TRNT1: variants seen among roughly 807,000 people sequenced by gnomAD.
The protein encoded by TRNT1 is CCA tRNA nucleotidyltransferase 1, mitochondrial.
TRNT1 carries 44 observed loss-of-function variants against 45.6 expected under a neutral mutation model. The ratio of observed to expected loss-of-function variants is 0.97; its 90% CI spans 0.76 to 1.24. TRNT1 has a LOEUF of 1.24. Among genes scored for constraint, TRNT1 ranks in the 50% most tolerant of loss-of-function variants. The pLI, the probability that TRNT1 is intolerant of heterozygous loss-of-function variation, is 0.00. For synonymous variants in TRNT1, 201 were observed against 171.4 expected (o/e 1.17, Z -1.35); for missense variants, 633 against 504.4 (o/e 1.25, Z -2.44).
intron 4 of TRNT1, among the ~76,000 whole-genome samples, chr3:3,142,712 G>C (rs1177092352): frequency 6.6e-6 from 1 of 152,020 alleles, no homozygotes; most frequent in African/African-American, 2.4e-5. Context: ...ATATTCCTAT[G>C]ATTTTTTCCT....
intron 1 of TRNT1, chr3:3,127,869 T>C (rs1340921297): frequency 2.0e-5 from 3 of 151,520 alleles, no homozygotes; most frequent in African/African-American, 7.3e-5. Flanking sequence ...AAACCGAGGG[T>C]TGGGCTGCTT....
chr3:3,153,348 T>G, downstream of TRNT1: 1 of 892,900 alleles, frequency 1.1e-6, no homozygotes, highest in Non-Finnish European at 1.9e-6. Context: ...GGAGGAAAGT[T>G]TATGGAAAAC....
chr3:3,138,846 C>A (rs1272066841), intron 3 of TRNT1, among the ~76,000 whole-genome samples: 1 of 152,126 alleles, frequency 6.6e-6, no homozygotes, highest in African/African-American at 2.4e-5. Context: ...TTTGTTTCCT[C>A]CGAGTGTTTT....
chr3:3,140,616 G>A lies in TRNT1; in HGVS notation c.449G>A (p.Arg150His), dbSNP rs1012537748. The A allele has an allele frequency of 6.2e-6, 10 of 1,613,968 alleles. No homozygotes were observed. The highest frequency in any genetic ancestry group is 2.2e-5 in the South Asian group (2 of 91,078). The change falls in exon 4 of 8, where the codon CGC becomes CAC. Residue 150 changes from arginine to histidine, a missense_variant. Transcript: ENST00000251607. ...FTTDWQKDAE[R>H]RDLTINSMFL... ...ACTGACTGGCAGAAAGATGCGGAAC[G>A]CAGAGATCTCACTATAAATTCTATG...
downstream of TRNT1, chr3:3,153,387 T>A: frequency 8.9e-7 from 1 of 1,121,768 alleles, no homozygotes; most frequent in Non-Finnish European, 1.4e-6. Context: ...ATAATTCTGA[T>A]AAGGCAAGTA....
chr3:3,133,314 G>T (rs1291256172), intron 2 of TRNT1, among the ~76,000 whole-genome samples: 1 of 152,094 alleles, frequency 6.6e-6, no homozygotes, highest in Non-Finnish European at 1.5e-5. Flanking sequence ...AGCACTTTGG[G>T]AGGCCGAGAT....
chr3:3,150,456 T>TA (rs750438512), downstream of TRNT1: 84 of 188,330 alleles, frequency 4.5e-4, 1 homozygote, highest in South Asian at 2.2e-3. Flanking sequence ...CTGGTACAGA[T>TA]ACGCTGTCCC....
intron 4 of TRNT1, among the ~76,000 whole-genome samples, chr3:3,140,947 T>C (rs1575055656): frequency 2.0e-5 from 3 of 152,158 alleles, no homozygotes; most frequent in Non-Finnish European, 2.9e-5. Context: ...CCGGGCGTGG[T>C]GGCGGCTGCC....
At chr3:3,136,718 G>C (rs369652706) in intron 2 of TRNT1, 2 of 410,560 alleles carry the variant, frequency 4.9e-6, no homozygotes, top group Non-Finnish European at 9.5e-6. Context: ...GCAGTGGCAC[G>C]ATCATAGCTC....
At chr3:3,149,325 A>G (rs544406099), downstream of TRNT1, 4 of 152,168 alleles carry the variant, frequency 2.6e-5, no homozygotes, top group Non-Finnish European at 5.9e-5. Context: ...ACCCAACGTC[A>G]TATAATACAT....
At chr3:3,128,088 G>C (rs962259085) in intron 1 of TRNT1, 1 of 152,228 alleles carries the variant, frequency 6.6e-6, no homozygotes, top group African/African-American at 2.4e-5. Flanking sequence ...TTACCCATAA[G>C]ATCTGAGTCC....
Position 3,147,538 on chromosome 3 carries a change from C to A in TRNT1, c.891C>A (p.Ala297=). The change falls in exon 7 of 8, where the codon GCC becomes GCA. Residue 297 remains alanine (A), a synonymous_variant. Transcript: ENST00000251607. ...CACCAAAGCCAGTGACTCTTTTGGC[C>A]TCATTATTCAAAGTACAAGATGATG... ...GFSPKPVTLL[A]SLFKVQDDVT... is the part of the protein sequence containing the mutation. The A allele has an allele frequency of 1.9e-6, 3 of 1,613,854 alleles. No individual in the cohort carries two copies. Among genetic ancestry groups the A allele is most frequent in the Non-Finnish European group, 2.5e-6 (3 of 1,179,858 alleles).
downstream of TRNT1, chr3:3,152,511 C>T (rs769286805): frequency 3.1e-6 from 5 of 1,613,990 alleles, no homozygotes; most frequent in South Asian, 4.4e-5. Flanking sequence ...AAGTTGCAAG[C>T]CTTATACACA....
chr3:3,152,930 G>A (rs553504633), downstream of TRNT1: 7 of 330,388 alleles, frequency 2.1e-5, no homozygotes, highest in East Asian at 4.9e-4. Flanking sequence ...GTCCTGTGTG[G>A]TCATTTTGGG....
intron 2 of TRNT1, among the ~76,000 whole-genome samples, chr3:3,134,154 A>G (rs1705179586): frequency 6.6e-6 from 1 of 152,156 alleles, no homozygotes; most frequent in Admixed American, 6.5e-5. Context: ...TTTTCACTGA[A>G]TTATTTCATT....
intron 1 of TRNT1, among the ~76,000 whole-genome samples, chr3:3,128,368 G>A (rs143045621): frequency 0.019 from 2,921 of 152,128 alleles, 88 homozygotes; most frequent in African/African-American, 0.066. Context: ...AGGCTGAGGC[G>A]GGCAGATCAC....
rs774168346 is a variant in TRNT1 at position 3,147,662 on chromosome 3, A to G, written c.1015A>G (p.Ser339Gly). 2.5e-6 allele frequency: 4 copies of G among 1,613,600 alleles called. No homozygotes were observed. Among genetic ancestry groups the G allele is most frequent in the South Asian group, 1.1e-5 (1 of 91,058 alleles). ...NRKDLIKATDSSDPLKPYQDF... is the reference protein window; with the variant it reads ...NRKDLIKATDGSDPLKPYQDF... ...GAAAGATTTAATTAAAGCAACAGAT[A>G]GTTCAGACCCATTGAAACCCTATCA... The change falls in exon 7 of 8, where the codon AGT (serine) becomes GGT (glycine). Residue 339 changes from serine to glycine, a missense_variant. Transcript: ENST00000251607.
chr3:3,145,488 GCGAGACT>G (rs900249048), intron 5 of TRNT1: 1 of 133,854 alleles, frequency 7.5e-6, no homozygotes, highest in African/African-American at 2.8e-5. Flanking sequence ...GGGCGACAGA[GCGAGACT>G]CCATCTCAAA....
chr3:3,137,296 C>T lies in TRNT1; in HGVS notation c.185C>T (p.Ala62Val), dbSNP rs1430870230. Residue 62 changes from alanine to valine, a missense_variant, in exon 3 of 8, where the codon GCA (alanine) becomes GTA (valine). Transcript: ENST00000251607. Reference protein sequence around the residue: ...FVKENHELRIAGGAVRDLLNG... With the variant: ...FVKENHELRIVGGAVRDLLNG... ...AAAGAGAATCACGAATTAAGAATAGCAGGAGGAGCAGTGAGGGATTTATTA... is the reference window on the plus strand; with the variant it reads ...AAAGAGAATCACGAATTAAGAATAGTAGGAGGAGCAGTGAGGGATTTATTA... 2 of 1,605,290 alleles carry T rather than the reference C, an allele frequency of 1.2e-6. No individual in the cohort carries two copies. Among genetic ancestry groups the T allele is most frequent in the South Asian group, 2.3e-5 (2 of 88,740 alleles).
Sources: gnomAD v4.1 joint callset for allele counts (sites outside exome capture counted in the v4.1 genomes callset) on GRCh38, gnomAD v4.1.1 for gene constraint, MANE v1.5 for transcripts, NCBI Gene and HGNC (gene_info 2026-07-23, HGNC 2026-07-21) for gene names.